Variants in ARMC9 observed in about 807,000 individuals in gnomAD.
ARMC9 encodes lisH domain-containing protein ARMC9.
In ARMC9, 94 loss-of-function variants were observed where a neutral mutation model predicts 107.0. The ratio of observed to expected loss-of-function variants is 0.88; its 90% CI spans 0.74 to 1.04. ARMC9 has a LOEUF of 1.04. ARMC9 is among the 50% of genes least tolerant of loss of function. The pLI, the probability that ARMC9 is intolerant of heterozygous loss-of-function variation, is 0.00. For synonymous variants in ARMC9, 380 were observed against 396.9 expected, an observed-to-expected ratio of 0.96 and a Z score of 0.51; for missense variants, 942 against 1,030.1, an observed-to-expected ratio of 0.91 and a Z score of 1.17.
At position 231,366,827 on chromosome 2, in the gene ARMC9, G is replaced by T. The variant is rs891293187; in HGVS notation, c.2262-3126G>T. Among the ~76,000 whole-genome samples the T allele has an allele frequency of 3.4e-5, 5 of 146,986 alleles. No homozygotes were observed. The South Asian group carries it at 1.0e-3, about 31-fold the overall frequency. On this transcript the variant is annotated intron_variant, in intron 23 of 24. Transcript: ENST00000611582. ...CTGCACTCCAGCCTGGTGATAGAGC[G>T]AGACTCTGTCTCAAAACAAAACCAA...
At chr2:231,262,065 A>C (rs560534246) in intron 11 of ARMC9, among the ~76,000 whole-genome samples, 15 of 152,046 alleles carry the variant, frequency 9.9e-5, no homozygotes, top group African/African-American at 3.6e-4. Flanking sequence ...CTCGTGATCC[A>C]CCTGCCTCGG....
chr2:231,261,730 G>A (rs2038363490), intron 11 of ARMC9, among the ~76,000 whole-genome samples: 1 of 152,090 alleles, frequency 6.6e-6, no homozygotes, highest in African/African-American at 2.4e-5. Context: ...TTCCCTATCT[G>A]CACACTTACA....
chr2:231,211,618 C>A (rs2032877334), intron 3 of ARMC9, among the ~76,000 whole-genome samples: 1 of 151,864 alleles, frequency 6.6e-6, no homozygotes, highest in Admixed American at 6.6e-5. Flanking sequence ...GATGTATACC[C>A]AGAAGTATTG....
intron 19 of ARMC9, among the ~76,000 whole-genome samples, chr2:231,298,933 CA>C (rs1454185512): frequency 2.0e-5 from 3 of 152,048 alleles, no homozygotes; most frequent in Admixed American, 6.5e-5. Flanking sequence ...GACCCCATCT[CA>C]AAAAAAGTGG....
In ARMC9 at chr2:231,341,155, G is replaced by A. The variant is rs556290231; in HGVS notation, c.1879-3820G>A. Among the ~76,000 whole-genome samples the A allele has an allele frequency of 8.5e-5, 13 of 152,320 alleles. No individual in the cohort carries two copies. In the South Asian group the frequency reaches 2.7e-3, roughly 32 times the overall value. On this transcript the variant is annotated intron_variant, in intron 20 of 24. Transcript: ENST00000611582. ...TTCAGTGAGCTATGATTGCACCACT[G>A]CACTCCAGCCTAGGTGGCAGAGCAA...
intron 6 of ARMC9, among the ~76,000 whole-genome samples, chr2:231,224,184 C>T (rs2034428427): frequency 6.6e-6 from 1 of 152,204 alleles, no homozygotes; most frequent in Non-Finnish European, 1.5e-5. Context: ...CCGTGGCTCA[C>T]GCCTGTAATC....
At chr2:231,275,189 G>A (rs1475678148) in intron 14 of ARMC9, among the ~76,000 whole-genome samples, 1 of 152,216 alleles carries the variant, frequency 6.6e-6, no homozygotes, top group South Asian at 2.1e-4. Context: ...TACCAAGAGA[G>A]CGCAGTCTTC....
intron 7 of ARMC9, among the ~76,000 whole-genome samples, chr2:231,232,935 C>T (rs892533670): frequency 3.3e-5 from 5 of 152,114 alleles, no homozygotes; most frequent in Non-Finnish European, 7.3e-5. Flanking sequence ...ACTGTAACCT[C>T]CACCTCCTGG....
At chr2:231,343,793 G>A (rs2044658084) in intron 20 of ARMC9, among the ~76,000 whole-genome samples, 1 of 151,872 alleles carries the variant, frequency 6.6e-6, no homozygotes, top group Non-Finnish European at 1.5e-5. Flanking sequence ...GCATTGTTTA[G>A]CTGGACAGAG....
chr2:231,201,568 ACT>A (rs924839270), intron 1 of ARMC9, among the ~76,000 whole-genome samples: 4 of 151,070 alleles, frequency 2.6e-5, no homozygotes, highest in Admixed American at 2.6e-4. Flanking sequence ...CATCTGTCCC[ACT>A]CTCTGCCCAC....
chr2:231,280,513 A>G (rs1401614838), intron 16 of ARMC9, among the ~76,000 whole-genome samples: 1 of 152,118 alleles, frequency 6.6e-6, no homozygotes, highest in Non-Finnish European at 1.5e-5. Flanking sequence ...AATGACATAT[A>G]TATATACATA....
At chr2:231,232,953 C>T (rs1407225305) in intron 7 of ARMC9, among the ~76,000 whole-genome samples, 2 of 152,096 alleles carry the variant, frequency 1.3e-5, no homozygotes, top group African/African-American at 2.4e-5. Context: ...TGGGTTCAAG[C>T]GATTCTCCTG....
Position 231,314,527 on chromosome 2 carries a change from A to G in ARMC9, c.1774-17266A>G, listed in dbSNP as rs575614147. Among the ~76,000 whole-genome samples the G allele has an allele frequency of 2.4e-4, 37 of 152,298 alleles. No homozygotes were observed. The East Asian group carries it at 7.1e-3, about 29-fold the overall frequency. On this transcript the variant is annotated intron_variant, in intron 19 of 24. Transcript: ENST00000611582. ...CCCAGACTTTCTCAACCTTGGCACT[A>G]TTGACATTTTGGGCCAGATAATTCT...
chr2:231,267,252 A>T (rs1052028433), intron 12 of ARMC9, among the ~76,000 whole-genome samples: 1 of 151,934 alleles, frequency 6.6e-6, no homozygotes, highest in Non-Finnish European at 1.5e-5. Flanking sequence ...TAATTTTTTG[A>T]GACAGTCTCG....
chr2:231,321,250 T>C (rs2042981257), intron 19 of ARMC9, among the ~76,000 whole-genome samples: 1 of 152,192 alleles, frequency 6.6e-6, no homozygotes, highest in Non-Finnish European at 1.5e-5. Context: ...CGAAGTCTGC[T>C]GGAGTGGAGG....
At chr2:231,353,028 T>G (rs2045173557) in intron 21 of ARMC9, among the ~76,000 whole-genome samples, 1 of 114,432 alleles carries the variant, frequency 8.7e-6, no homozygotes, top group Admixed American at 7.5e-5. Flanking sequence ...TCAATGATGA[T>G]CTCAATGGGC....
chr2:231,264,685 T>C (rs2125418312), intron 12 of ARMC9, among the ~76,000 whole-genome samples: 1 of 148,980 alleles, frequency 6.7e-6, no homozygotes. Context: ...TTAGTAGAGA[T>C]GGGATTTCTC....
intron 12 of ARMC9, among the ~76,000 whole-genome samples, chr2:231,265,069 G>A (rs2038731610): frequency 6.6e-6 from 1 of 151,848 alleles, no homozygotes; most frequent in Admixed American, 6.6e-5. Flanking sequence ...CTGCATTCTA[G>A]CCTGGCGACA....
At chr2:231,274,114 A>G (rs534524765) in intron 14 of ARMC9, among the ~76,000 whole-genome samples, 1 of 152,174 alleles carries the variant, frequency 6.6e-6, no homozygotes, top group South Asian at 2.1e-4. Flanking sequence ...TTATGGCTAC[A>G]TCATATTGTT....
Sources: allele counts gnomAD v4.1 joint callset (sites outside exome capture counted in the v4.1 genomes callset), GRCh38; gene constraint gnomAD v4.1.1; transcripts MANE v1.5; gene names NCBI Gene and HGNC (gene_info 2026-07-23, HGNC 2026-07-21).